TCEA1: variants seen among roughly 807,000 people sequenced by gnomAD.
The protein encoded by TCEA1 is transcription elongation factor A protein 1.
Under a neutral mutation model 43.8 loss-of-function variants are expected in TCEA1, and 21 were observed. The ratio of observed to expected loss-of-function variants is 0.48; its 90% CI spans 0.34 to 0.69. The LOEUF (loss-of-function observed/expected upper bound fraction) is 0.69, where lower values mean the gene tolerates loss of function less well. Ranked by LOEUF, TCEA1 falls within the 30% of genes least tolerant of loss-of-function variation. TCEA1 has a pLI of 0.01. For missense variants in TCEA1, 250 were observed against 365.1 expected (o/e 0.68, Z 2.57); for synonymous variants, 104 against 117.5 (o/e 0.88, Z 0.75).
chr8:54,020,728 C>G (rs553316961), intron 1 of TCEA1, among the ~76,000 whole-genome samples: 7 of 151,994 alleles, frequency 4.6e-5, no homozygotes, highest in Admixed American at 4.6e-4. Context: ...TGAGCAGATG[C>G]TTTTTAACTC....
chr8:53,990,351 ATTTCT>A lies in TCEA1; in HGVS notation c.321-2097_321-2093del, dbSNP rs759120402. Among the ~76,000 whole-genome samples the A allele has an allele frequency of 5.7e-3, 806 of 142,208 alleles. 2 individuals are homozygous for A. The highest frequency in any genetic ancestry group is 0.01 in the Non-Finnish European group (665 of 64,844). The allele number at this position is 142,208 out of a possible 152,430, so 93.3% of individuals were successfully genotyped here. On this transcript the variant is annotated intron_variant, in intron 4 of 9. Coordinates refer to ENST00000521604, the MANE Select transcript of TCEA1 (RefSeq NM_006756.4). ...GCCACCGTGCCAGGCCCCAAAACTCATTTCTTTTCTTTTTTTTTTTTTTTTTCTTT... is the reference window on the plus strand; with the variant it reads ...GCCACCGTGCCAGGCCCCAAAACTCATTTCTTTTTTTTTTTTTTTTTCTTT...
At position 53,979,031 on chromosome 8, in the gene TCEA1, G is replaced by T. The variant is rs371090622; in HGVS notation, c.819C>A (p.Tyr273Ter). 6.2e-7 allele frequency: 1 copy of T among 1,609,832 alleles called. No individual in the cohort carries two copies. The highest frequency in any genetic ancestry group is 1.7e-4 in the Middle Eastern group (1 of 6,036). ...CGKCKKKNCT[Y>*]TQVQTRSADE... The stretch of plus-strand genomic sequence containing the variant: ...TCTATAAACAATCACAAACCTGTGT[G>T]TAAGTGCAATTCTTCTTTTTACATT... The change falls in exon 8 of 10, where the codon TAC becomes TAA. Residue 273 changes from tyrosine to a stop codon, truncating the protein, a stop_gained. Coordinates refer to ENST00000521604, the MANE Select transcript of TCEA1 (RefSeq NM_006756.4). LOFTEE classifies it high-confidence loss of function.
chr8:53,996,909 T>A (rs1804073926), intron 3 of TCEA1, among the ~76,000 whole-genome samples: 1 of 145,388 alleles, frequency 6.9e-6, no homozygotes. Context: ...TTGTCTTTTT[T>A]TTTTTTTTTA....
chr8:54,011,556 G>A (rs1804652611), intron 1 of TCEA1, among the ~76,000 whole-genome samples: 1 of 152,224 alleles, frequency 6.6e-6, no homozygotes, highest in South Asian at 2.1e-4. Context: ...TCTGGCCAAT[G>A]ATATGTGTAC....
intron 1 of TCEA1, among the ~76,000 whole-genome samples, chr8:54,011,348 C>T (rs1350529422): frequency 1.3e-5 from 2 of 152,290 alleles, no homozygotes; most frequent in Non-Finnish European, 2.9e-5. Flanking sequence ...AAGCTAATGC[C>T]GTGAGCTCTA....
chr8:54,008,172 CAAAAAAAAAAAAA>C (rs777634895), intron 2 of TCEA1, among the ~76,000 whole-genome samples: 6 of 42,338 alleles, frequency 1.4e-4, no homozygotes, highest in Non-Finnish European at 8.8e-5. Flanking sequence ...AACTGTGTCT[CAAAAAAAAAAAAA>C]AAAAAAAAAA....
At chr8:53,982,228 AAT>A (rs1305553331) in intron 7 of TCEA1, among the ~76,000 whole-genome samples, 5 of 152,176 alleles carry the variant, frequency 3.3e-5, no homozygotes, top group African/African-American at 1.2e-4. Context: ...AGAAGAGGTC[AAT>A]ATGTCAACAT....
intron 2 of TCEA1, among the ~76,000 whole-genome samples, chr8:54,001,475 C>A (rs1210096768): frequency 6.6e-6 from 1 of 152,108 alleles, no homozygotes; most frequent in Non-Finnish European, 1.5e-5. Context: ...CAAGATTGAA[C>A]AGCAGAAAGA....
At chr8:54,002,584 AAAG>A (rs1282337783) in intron 2 of TCEA1, among the ~76,000 whole-genome samples, 4 of 151,942 alleles carry the variant, frequency 2.6e-5, no homozygotes, top group African/African-American at 7.2e-5. Flanking sequence ...AAAAAAAAAA[AAAG>A]TAGAGGAAAA....
At chr8:54,016,356 A>G (rs1471801541) in intron 1 of TCEA1, among the ~76,000 whole-genome samples, 1 of 152,140 alleles carries the variant, frequency 6.6e-6, no homozygotes, top group East Asian at 1.9e-4. Flanking sequence ...CTGTAGCCCC[A>G]GCTACTCGGG....
chr8:53,983,718 T>G (rs1210793163), intron 7 of TCEA1, among the ~76,000 whole-genome samples: 1 of 152,168 alleles, frequency 6.6e-6, no homozygotes, highest in African/African-American at 2.4e-5. Context: ...TTATAGTGTT[T>G]AACCACAAAA....
Position 53,970,702 on chromosome 8 carries a change from A to G in TCEA1, c.826-239T>C, listed in dbSNP as rs181886888. Among the ~76,000 whole-genome samples, 363 of 152,272 alleles carry G rather than the reference A, an allele frequency of 2.4e-3. 1 individual carries two copies. The highest frequency in any genetic ancestry group is 4.2e-3 in the Non-Finnish European group (289 of 68,008). ...TAATATATCCCAGATAAGTGGGAAAATCCTCTAAAGTCACACCTTATATTT... is the reference window on the plus strand; with the variant it reads ...TAATATATCCCAGATAAGTGGGAAAGTCCTCTAAAGTCACACCTTATATTT... On this transcript the variant is annotated intron_variant, in intron 8 of 9. Coordinates refer to ENST00000521604, the MANE Select transcript of TCEA1 (RefSeq NM_006756.4).
chr8:54,016,242 C>T (rs959204911), intron 1 of TCEA1, among the ~76,000 whole-genome samples: 13 of 151,996 alleles, frequency 8.6e-5, no homozygotes, highest in African/African-American at 3.1e-4. Flanking sequence ...TTTAGGAGGC[C>T]GAGGCGGGCA....
intron 8 of TCEA1, chr8:53,972,091 C>A: frequency 3.8e-6 from 1 of 264,594 alleles, no homozygotes; most frequent in Non-Finnish European, 7.5e-6. Flanking sequence ...TGTTCTAAGA[C>A]AAGAAGAGAA....
intron 3 of TCEA1, 88 bp downstream of exon 3, chr8:53,999,857 T>C: frequency 2.2e-6 from 2 of 919,520 alleles, no homozygotes; most frequent in Non-Finnish European, 3.4e-6. Flanking sequence ...GAAAAAAATG[T>C]AACCATTAAC....
intron 8 of TCEA1, chr8:53,971,260 C>G (rs1803147826): frequency 6.6e-6 from 1 of 152,128 alleles, no homozygotes; most frequent in Non-Finnish European, 1.5e-5. Flanking sequence ...CAGTGACCAA[C>G]AGTTTAGGCA....
intron 5 of TCEA1, among the ~76,000 whole-genome samples, chr8:53,987,329 G>C (rs924956726): frequency 2.0e-5 from 3 of 152,198 alleles, no homozygotes; most frequent in African/African-American, 7.2e-5. Context: ...CAGCAGAGTA[G>C]AGAAAGTTAC....
chr8:53,974,684 C>T (rs1029344677), intron 8 of TCEA1, among the ~76,000 whole-genome samples: 1 of 151,988 alleles, frequency 6.6e-6, no homozygotes, highest in Non-Finnish European at 1.5e-5. Context: ...AGCGCCAACA[C>T]GCCTGCCTAA....
At chr8:53,975,525 G>C (rs181313882) in intron 8 of TCEA1, among the ~76,000 whole-genome samples, 8 of 152,232 alleles carry the variant, frequency 5.3e-5, no homozygotes, top group Admixed American at 3.3e-4. Flanking sequence ...ACAAAATGTG[G>C]TATGAACATA....
Sources: gnomAD v4.1 joint callset for allele counts (sites outside exome capture counted in the v4.1 genomes callset) on GRCh38, gnomAD v4.1.1 for gene constraint, MANE v1.5 for transcripts, NCBI Gene and HGNC (gene_info 2026-07-23, HGNC 2026-07-21) for gene names.